Variants in DVL1 observed in about 807,000 individuals in gnomAD.
DVL1 encodes dishevelled segment polarity protein 1, also known as segment polarity protein dishevelled homolog DVL-1.
In DVL1, 49 loss-of-function variants were observed where a neutral mutation model predicts 65.0. That is an observed-to-expected ratio of 0.75 (90% CI 0.60 to 0.96). The LOEUF (loss-of-function observed/expected upper bound fraction) is 0.96, where lower values mean the gene tolerates loss of function less well. Among genes scored for constraint, DVL1 ranks in the 40% least tolerant of loss-of-function variants. DVL1 has a pLI of 0.00. For missense variants in DVL1, 1,197 were observed against 1,045.4 expected (o/e 1.15, Z -2.00); for synonymous variants, 608 against 433.9 (o/e 1.40, Z -4.99).
chr1:1,342,544 G>A, intron 2 of DVL1, 60 bp from the exon 3 acceptor site: 1 of 1,585,206 alleles, frequency 6.3e-7, no homozygotes, highest in Non-Finnish European at 8.6e-7. Flanking sequence ...CCTCCTCAGG[G>A]CACCCAGGGA....
At chr1:1,337,717 C>A in intron 14 of DVL1, 1 of 680,172 alleles carries the variant, frequency 1.5e-6, no homozygotes, top group South Asian at 1.5e-5. Flanking sequence ...TGAGACGCTT[C>A]CCTGTCCTCC....
In DVL1 at chr1:1,335,562, GAC is replaced by G. The variant is rs1159091049; in HGVS notation, c.*578_*579del. ...CATGGTCCCTCCCTGCCCTGGCTGGGACACGGTGGGCAGGATGTCCAGCCCTC... is the reference window on the plus strand; with the variant it reads ...CATGGTCCCTCCCTGCCCTGGCTGGGACGGTGGGCAGGATGTCCAGCCCTC... On this transcript the variant is annotated 3_prime_UTR_variant, in exon 15 of 15. Coordinates refer to ENST00000378888, the MANE Select transcript of DVL1 (RefSeq NM_001330311.2). 6.4e-6 allele frequency: 1 copy of G among 155,314 alleles called. No individual in the cohort carries two copies. Among genetic ancestry groups the G allele is most frequent in the African/African-American group, 2.4e-5 (1 of 41,454 alleles). The allele number at this position is 155,314 out of a possible 1,614,324, so 9.6% of individuals were successfully genotyped here.
At chr1:1,339,549 C>A in intron 10 of DVL1, 33 bp downstream of exon 10, 1 of 1,580,480 alleles carries the variant, frequency 6.3e-7, no homozygotes, top group Non-Finnish European at 8.6e-7. Flanking sequence ...GCCCCCTCCC[C>A]ATCCCGCCCC....
intron 1 of DVL1, among the ~76,000 whole-genome samples, chr1:1,344,946 C>G (rs953182706): frequency 2.6e-5 from 4 of 152,094 alleles, no homozygotes; most frequent in Non-Finnish European, 5.9e-5. Flanking sequence ...ACCCCAGCAC[C>G]CTCTGACTCA....
In DVL1 at chr1:1,340,048, A is replaced by G. The variant is rs1334529586; in HGVS notation, c.899T>C (p.Met300Thr). 1.2e-6 allele frequency: 2 copies of G among 1,611,978 alleles called. No homozygotes were observed. The highest frequency in any genetic ancestry group is 1.7e-6 in the Non-Finnish European group (2 of 1,179,602). ...CCCCCACAGACACACCTGCAGCAAC[A>G]TGTCGCCGGGCTCGATGCGGCCGTC... ...AADGRIEPGD[M>T]LLQVNDVNFE... Residue 300 changes from methionine to threonine, a missense_variant, in exon 8 of 15, where the codon ATG (methionine) becomes ACG (threonine). Coordinates refer to ENST00000378888, the MANE Select transcript of DVL1 (RefSeq NM_001330311.2).
At chr1:1,342,905 T>A in intron 1 of DVL1, 147 bp from the exon 2 acceptor site, 1 of 718,584 alleles carries the variant, frequency 1.4e-6, no homozygotes, top group Non-Finnish European at 2.2e-6. Context: ...TTGGGAACCG[T>A]CCTTCCTCTC....
Position 1,340,056 on chromosome 1 carries a change from G to C in DVL1, c.891C>G (p.Pro297=), listed in dbSNP as rs774431752. 4 of 1,612,540 alleles carry C rather than the reference G, an allele frequency of 2.5e-6. No individual in the cohort carries two copies. Among genetic ancestry groups the C allele is most frequent in the South Asian group, 1.1e-5 (1 of 91,054 alleles). The change falls in exon 8 of 15, where the codon CCC becomes CCG. Residue 297 remains proline (P), a synonymous_variant. Coordinates refer to ENST00000378888, the MANE Select transcript of DVL1 (RefSeq NM_001330311.2). ...GACACACCTGCAGCAACATGTCGCC[G>C]GGCTCGATGCGGCCGTCAGCGGCCA... ...GAVAADGRIE[P]GDMLLQVNDV...
chr1:1,335,805 C>A lies in DVL1; in HGVS notation c.*337G>T. ...AGGGGGTTGCCCCGCATGGACCACC[C>A]TGGGGGCCTGGGCACAGCTGTGCAG... On this transcript the variant is annotated 3_prime_UTR_variant, in exon 15 of 15. Coordinates refer to ENST00000378888, the MANE Select transcript of DVL1 (RefSeq NM_001330311.2). The A allele has an allele frequency of 2.7e-6, 1 of 369,052 alleles. No homozygotes were observed. The highest frequency in any genetic ancestry group is 3.3e-5 in the South Asian group (1 of 30,058). The allele number at this position is 369,052 out of a possible 1,614,324, so 22.9% of individuals were successfully genotyped here.
At chr1:1,339,940 A>G in intron 8 of DVL1, 98 bp downstream of exon 8, 1 of 1,012,296 alleles carries the variant, frequency 9.9e-7, no homozygotes, top group Middle Eastern at 3.4e-4. Flanking sequence ...CATGTCCCCC[A>G]GCAGCCCCTA....
intron 14 of DVL1, among the ~76,000 whole-genome samples, chr1:1,337,390 GC>G (rs1198088310): frequency 6.6e-6 from 1 of 152,076 alleles, no homozygotes; most frequent in African/African-American, 2.4e-5. Flanking sequence ...TGGATCCCCG[GC>G]CCCTAAACAC....
chr1:1,338,784 GCCCCGGCCCACTGCAGGATGCA>G, intron 11 of DVL1, 131 bp from the exon 12 acceptor site: 1 of 1,401,872 alleles, frequency 7.1e-7, no homozygotes, highest in Admixed American at 2.7e-5. Flanking sequence ...TGACAGCAGG[GCCCCGGCCCACTGCAGGATGCA>G]CCCCCGTGAG....
rs567333812 is a variant in DVL1 at position 1,346,254 on chromosome 1, C to T, written c.170+2642G>A. ...GGCCCATGGCAGGCGGCCCTGGGGA[C>T]CAGGGCTTTGGGCCCACAGCCTTGC... is the stretch of plus-strand genomic sequence containing the variant. On this transcript the variant is annotated intron_variant, in intron 1 of 14. Transcript: ENST00000378888. Among the ~76,000 whole-genome samples, 3 of 152,220 alleles carry T rather than the reference C, an allele frequency of 2.0e-5. No individual in the cohort carries two copies. In the East Asian group the frequency reaches 5.8e-4, roughly 29 times the overall value.
chr1:1,342,141 G>C lies in DVL1; in HGVS notation c.378C>G (p.Ser126Arg). The C allele has an allele frequency of 1.4e-5, 22 of 1,576,324 alleles. No homozygotes were observed. Among genetic ancestry groups the C allele is most frequent in the Non-Finnish European group, 1.9e-5 (22 of 1,162,114 alleles). Residue 126 changes from serine (S) to arginine (R), a missense_variant, in exon 4 of 15, where the codon AGC becomes AGG. Physicochemically the swap from Ser to Arg is moderately radical, Grantham distance 110. Transcript: ENST00000378888. ...TCTCGTTGTCCATCCCGTCACGGCTGCTGGCCACATTTGGGCTGTGCAACA... is the reference window on the plus strand; with the variant it reads ...TCTCGTTGTCCATCCCGTCACGGCTCCTGGCCACATTTGGGCTGTGCAACA... ...RPPSFHPNVA[S>R]SRDGMDNETG...
In DVL1 at chr1:1,339,293, C is replaced by T. The variant is rs1643700554; in HGVS notation, c.1201G>A (p.Ala401Thr). Residue 401 changes from alanine to threonine, a missense_variant, in exon 11 of 15, where the codon GCT becomes ACT. Transcript: ENST00000378888. The stretch of plus-strand genomic sequence containing the variant: ...CTCAGGAGCTGCCACTTACGTGGAG[C>T]ACCAGGCACGGAGCTGGTTAGTGAG... ...SSSLTSSVPG[A>T]PQLEEAPLTV... 6.5e-7 allele frequency: 1 copy of T among 1,548,494 alleles called. No homozygotes were observed. Among genetic ancestry groups the T allele is most frequent in the Non-Finnish European group, 8.7e-7 (1 of 1,146,874 alleles).
chr1:1,339,893 TGTCCCCCAGCAGCCCCC>T (rs1643728460), intron 8 of DVL1, 81 bp from the exon 9 acceptor site: 1 of 1,554,954 alleles, frequency 6.4e-7, no homozygotes. Flanking sequence ...CACAGCCGCA[TGTCCCCCAGCAGCCCCC>T]GCAGACCCAC....
chr1:1,337,008 C>G (rs1348513586), intron 14 of DVL1: 1 of 990,600 alleles, frequency 1.0e-6, no homozygotes, highest in African/African-American at 1.7e-5. Flanking sequence ...CGGGCGGGAC[C>G]CTGGCTTACC....
At chr1:1,338,897 G>C (rs1165443560) in intron 11 of DVL1, among the ~76,000 whole-genome samples, 1 of 152,196 alleles carries the variant, frequency 6.6e-6, no homozygotes, top group East Asian at 1.9e-4. Flanking sequence ...GGCACAAACT[G>C]GGCTGACACC....
chr1:1,341,605 T>TGCA (rs1553174614), intron 5 of DVL1, 62 bp downstream of exon 5: 4 of 1,402,572 alleles, frequency 2.9e-6, no homozygotes, highest in Non-Finnish European at 3.9e-6. Flanking sequence ...CACATGCACA[T>TGCA]CATGTACAGA....
Position 1,342,453 on chromosome 1 carries a change from G to C in DVL1, c.272C>G (p.Ala91Gly). The change falls in exon 3 of 15, where the codon GCG becomes GGG. Residue 91 changes from alanine to glycine, a missense_variant. Coordinates refer to ENST00000378888, the MANE Select transcript of DVL1 (RefSeq NM_001330311.2). Reference protein sequence around the residue: ...LVLAEGAHSDAGSQGTDSHTD... With the variant: ...LVLAEGAHSDGGSQGTDSHTD... ...GTGGCTGTCCGTGCCCTGGGACCCCGCATCCGAGTGAGCACCCTCAGCCAG... is the reference window on the plus strand; with the variant it reads ...GTGGCTGTCCGTGCCCTGGGACCCCCCATCCGAGTGAGCACCCTCAGCCAG... 1 of 1,607,928 alleles carries C rather than the reference G, an allele frequency of 6.2e-7. No homozygotes were observed. The highest frequency in any genetic ancestry group is 8.5e-7 in the Non-Finnish European group (1 of 1,178,364).
Sources: gnomAD v4.1 joint callset for allele counts (sites outside exome capture counted in the v4.1 genomes callset) on GRCh38, gnomAD v4.1.1 for gene constraint, MANE v1.5 for transcripts, NCBI Gene and HGNC (gene_info 2026-07-23, HGNC 2026-07-21) for gene names.